The following PRPF6 variants were observed in gnomAD, a reference collection of about 807,000 sequenced individuals.
PRPF6 encodes the protein pre-mRNA-processing factor 6.
Under a neutral mutation model 118.3 loss-of-function variants are expected in PRPF6, and 42 were observed. That is an observed-to-expected ratio of 0.35 (90% CI 0.28 to 0.46). The LOEUF (loss-of-function observed/expected upper bound fraction) is 0.46, where lower values mean the gene tolerates loss of function less well. PRPF6 is among the 20% of genes least tolerant of loss of function. PRPF6 has a pLI of 1.00. For missense variants in PRPF6, 662 were observed against 1,255.7 expected (o/e 0.53, Z 7.15); for synonymous variants, 481 against 485.1 (o/e 0.99, Z 0.11).
intron 3 of PRPF6, among the ~76,000 whole-genome samples, chr20:63,992,675 A>G (rs894027837): frequency 6.6e-6 from 1 of 151,752 alleles, no homozygotes; most frequent in Non-Finnish European, 1.5e-5. Flanking sequence ...TTTTTATTTT[A>G]ATGAATTTCT....
Position 64,027,664 on chromosome 20 carries a change from T to C in PRPF6, c.2267T>C (p.Ile756Thr). ...WLLLSRLEEK[I>T]GQLTRARAIL... ...TTGCTCTCTCGGCTGGAGGAGAAGA[T>C]TGGGCAGCTTACTCGAGCACGGGCC... Residue 756 changes from isoleucine (I) to threonine (T), a missense_variant, in exon 17 of 21, where the codon ATT becomes ACT. Ile to Thr is a moderately conservative substitution (Grantham distance 89, BLOSUM62 -1). Transcript: ENST00000266079. This position sits in a 1 kb window ranked among gnomAD's most constrained non-coding sequence, Gnocchi z 6.5. The C allele has an allele frequency of 1.9e-6, 3 of 1,614,068 alleles. No homozygotes were observed. The highest frequency in any genetic ancestry group is 2.5e-6 in the Non-Finnish European group (3 of 1,180,002).
intron 6 of PRPF6, among the ~76,000 whole-genome samples, chr20:63,998,164 G>A (rs531841180): frequency 2.0e-5 from 3 of 151,788 alleles, no homozygotes; most frequent in Admixed American, 1.3e-4. Flanking sequence ...GCGTGATCTC[G>A]GCTCACTGCA....
At chr20:64,006,192 C>T (rs2059189099) in intron 9 of PRPF6, among the ~76,000 whole-genome samples, 2 of 152,112 alleles carry the variant, frequency 1.3e-5, no homozygotes, top group African/African-American at 2.4e-5. Context: ...GGCAGCAACT[C>T]AGTCTCGCTT....
intron 1 of PRPF6, among the ~76,000 whole-genome samples, chr20:63,982,408 G>A (rs1049252351): frequency 1.3e-5 from 2 of 151,976 alleles, no homozygotes; most frequent in African/African-American, 4.8e-5. Flanking sequence ...CTGACCTCAT[G>A]ATCCACCCGC....
At chr20:63,985,291 A>G (rs779499277) in intron 3 of PRPF6, among the ~76,000 whole-genome samples, 6 of 152,078 alleles carry the variant, frequency 3.9e-5, no homozygotes, top group Non-Finnish European at 8.8e-5. Context: ...CCCAGGAGGT[A>G]GAAACTGCAG....
Position 64,013,058 on chromosome 20 carries a change from G to A in PRPF6, c.1524+1555G>A, listed in dbSNP as rs181413505. Among the ~76,000 whole-genome samples the A allele has an allele frequency of 8.6e-5, 13 of 150,992 alleles. No individual in the cohort carries two copies. The East Asian group carries it at 2.6e-3, about 30-fold the overall frequency. ...TGGCTTACTGCAACCTCCACCTCTT[G>A]GGTTCAAGCAGTTCTCCTACGTCAG... On this transcript the variant is annotated intron_variant, in intron 11 of 20. Transcript: ENST00000266079.
In PRPF6 at chr20:63,999,611, A is replaced by G. The variant is rs1401652460; in HGVS notation, c.875A>G (p.Lys292Arg). ...PTHGGDINDIKKARLLLKSVR... is the reference protein window; with the variant it reads ...PTHGGDINDIRKARLLLKSVR... ...CACTCTCCCTCTCATAGTGATATCA[A>G]GAAGGCGCGACTGCTCCTCAAGTCT... The change falls in exon 8 of 21, where the codon AAG becomes AGG. Residue 292 changes from lysine (K) to arginine (R), a missense_variant. Lys to Arg is a conservative substitution (Grantham distance 26). This residue lies in a region of PRPF6 where 71 missense variants were observed against 166.4 expected (regional missense o/e 0.43). Coordinates refer to ENST00000266079, the MANE Select transcript of PRPF6 (RefSeq NM_012469.4). The G allele has an allele frequency of 6.2e-7, 1 of 1,614,118 alleles. No homozygotes were observed. The highest frequency in any genetic ancestry group is 1.1e-5 in the South Asian group (1 of 91,082).
rs941780187 is a variant in PRPF6 at position 63,995,043 on chromosome 20, A to G, written c.566A>G (p.Lys189Arg). Residue 189 changes from lysine (K) to arginine (R), a missense_variant, in exon 5 of 21, where the codon AAA becomes AGA. Physicochemically the swap from Lys to Arg is conservative, Grantham distance 26. This residue lies in a region of PRPF6 where 97 missense variants were observed against 122.6 expected (regional missense o/e 0.79). Coordinates refer to ENST00000266079, the MANE Select transcript of PRPF6 (RefSeq NM_012469.4). ...LTPVPDSFFA[K>R]HLQTGENHTS... ...CCTGTTCCTGACAGTTTCTTTGCCA[A>G]ACATTTACAGACCGGAGAGAACCAT... 2 of 1,614,090 alleles carry G rather than the reference A, an allele frequency of 1.2e-6. No homozygotes were observed. Among genetic ancestry groups the G allele is most frequent in the Non-Finnish European group, 8.5e-7 (1 of 1,180,046 alleles).
At chr20:64,000,736 T>C (rs933699746) in intron 8 of PRPF6, among the ~76,000 whole-genome samples, 2 of 152,014 alleles carry the variant, frequency 1.3e-5, no homozygotes, top group African/African-American at 4.8e-5. Flanking sequence ...ACCCGGCTAA[T>C]TTTTGTAGTT....
At chr20:64,017,852 C>G (rs1385719358) in intron 12 of PRPF6, among the ~76,000 whole-genome samples, 1 of 152,220 alleles carries the variant, frequency 6.6e-6, no homozygotes, top group Non-Finnish European at 1.5e-5. Flanking sequence ...GCTCAGTTAT[C>G]AAAATCAGGA....
intron 3 of PRPF6, 33 bp from the exon 4 acceptor site, chr20:63,993,374 G>T (rs375290231): frequency 1.9e-5 from 29 of 1,524,324 alleles, no homozygotes; most frequent in Non-Finnish European, 2.5e-5. Context: ...CAGACATGCA[G>T]TGTTTCTGAT....
chr20:64,021,184 CTGTG>C (rs141382746), intron 12 of PRPF6, among the ~76,000 whole-genome samples: 1 of 151,994 alleles, frequency 6.6e-6, no homozygotes, highest in African/African-American at 2.4e-5. Flanking sequence ...CCACAGCCCT[CTGTG>C]TGTGTGTGCA....
intron 3 of PRPF6, among the ~76,000 whole-genome samples, chr20:63,988,057 C>G (rs559516770): frequency 6.6e-6 from 1 of 151,898 alleles, no homozygotes; most frequent in East Asian, 1.9e-4. Context: ...CTGGGACTCA[C>G]GCCTGTAATC....
chr20:64,003,239 G>A (rs2059175677), intron 9 of PRPF6, among the ~76,000 whole-genome samples: 1 of 152,220 alleles, frequency 6.6e-6, no homozygotes, highest in African/African-American at 2.4e-5. Context: ...GTCGCATCCA[G>A]CCTATTCTTC....
intron 3 of PRPF6, among the ~76,000 whole-genome samples, chr20:63,988,606 A>G (rs2059105284): frequency 6.6e-6 from 1 of 151,976 alleles, no homozygotes; most frequent in Admixed American, 6.6e-5. Flanking sequence ...AGCCAGGTGC[A>G]GTGGCTCATG....
At chr20:63,986,674 G>A (rs925227354) in intron 3 of PRPF6, among the ~76,000 whole-genome samples, 1 of 151,318 alleles carries the variant, frequency 6.6e-6, no homozygotes, top group Non-Finnish European at 1.5e-5. Flanking sequence ...ATTTTTAGTA[G>A]AGACGGGATT....
intron 12 of PRPF6, among the ~76,000 whole-genome samples, chr20:64,018,876 T>C (rs1271742356): frequency 6.6e-6 from 1 of 152,218 alleles, no homozygotes; most frequent in Non-Finnish European, 1.5e-5. Context: ...TCCTTCCATC[T>C]GGATTGGTCA....
At chr20:64,032,178 G>A (rs1418228311) in intron 20 of PRPF6, 134 bp downstream of exon 20, 1 of 1,396,400 alleles carries the variant, frequency 7.2e-7, no homozygotes, top group South Asian at 1.2e-5. Flanking sequence ...GACCGGGTGT[G>A]TGGGGCACAG....
intron 12 of PRPF6, among the ~76,000 whole-genome samples, 170 bp from the exon 13 acceptor site, chr20:64,022,587 C>T (rs780331294): frequency 2.6e-5 from 4 of 152,190 alleles, no homozygotes; most frequent in Non-Finnish European, 4.4e-5. Flanking sequence ...AGATTACAGG[C>T]GTGAGCCACC....
Sources: gnomAD v4.1 joint callset for allele counts (sites outside exome capture counted in the v4.1 genomes callset) on GRCh38, gnomAD v4.1.1 for gene constraint, gnomAD v4.1.1 regional missense constraint, Gnocchi (gnomAD v3.1) non-coding constraint, MANE v1.5 for transcripts, NCBI Gene and HGNC (gene_info 2026-07-23, HGNC 2026-07-21) for gene names.